CATSPERB: variants seen among roughly 807,000 people sequenced by gnomAD.
CATSPERB encodes the protein cation channel sperm-associated auxiliary subunit beta.
Under a neutral mutation model 128.3 loss-of-function variants are expected in CATSPERB, and 93 were observed. That is an observed-to-expected ratio of 0.72 (90% CI 0.61 to 0.86). The LOEUF is 0.86. Among genes scored for constraint, CATSPERB ranks in the 40% least tolerant of loss-of-function variants. The pLI is 0.00. For missense variants in CATSPERB, 1,153 were observed against 1,329.5 expected, an observed-to-expected ratio of 0.87 and a Z score of 2.06; for synonymous variants, 381 against 448.8, an observed-to-expected ratio of 0.85 and a Z score of 1.91.
At chr14:91,583,703 TTAAA>T (rs1166815148) in intron 26 of CATSPERB, among the ~76,000 whole-genome samples, 1 of 152,232 alleles carries the variant, frequency 6.6e-6, no homozygotes, top group Non-Finnish European at 1.5e-5. Flanking sequence ...AAAAATTCAC[TTAAA>T]TAACCACAGT....
chr14:91,589,758 A>C (rs552745908), intron 23 of CATSPERB, 89 bp from the exon 24 acceptor site: 1 of 1,280,208 alleles, frequency 7.8e-7, no homozygotes, highest in East Asian at 2.5e-5. Flanking sequence ...ATATATTGCC[A>C]ATAGTTTGGC....
chr14:91,601,482 G>A (rs1258498621), intron 22 of CATSPERB, among the ~76,000 whole-genome samples: 1 of 152,082 alleles, frequency 6.6e-6, no homozygotes, highest in Non-Finnish European at 1.5e-5. Context: ...GAATATATAT[G>A]GTAAATTTTG....
chr14:91,719,100 T>C (rs1374686274), intron 5 of CATSPERB, among the ~76,000 whole-genome samples: 3 of 152,224 alleles, frequency 2.0e-5, no homozygotes, highest in Non-Finnish European at 4.4e-5. Context: ...TCATCTTCAG[T>C]AAAATAAATT....
At position 91,723,190 on chromosome 14, in the gene CATSPERB, C is replaced by A. The variant is rs2139780549; in HGVS notation, c.169-1G>T. ...CAGTTTGGAAGAAACACTGGATTTT[C>A]TTTAGGAAAGCAAGAAAAAAAAAAA... On this transcript the variant is annotated splice_acceptor_variant, in intron 3 of 26. Transcript: ENST00000256343. LOFTEE classifies it high-confidence loss of function. 1 of 1,425,124 alleles carries A rather than the reference C, an allele frequency of 7.0e-7. No homozygotes were observed. Among genetic ancestry groups the A allele is most frequent in the Non-Finnish European group, 9.2e-7 (1 of 1,087,466 alleles). 88.3% of individuals were successfully genotyped at this position (1,425,124 alleles called of 1,614,324 possible). A position where few individuals can be genotyped will look rare whatever the true frequency, so the allele number is the denominator to read the frequency against.
chr14:91,682,192 C>T (rs556408489), intron 11 of CATSPERB, among the ~76,000 whole-genome samples: 1 of 152,228 alleles, frequency 6.6e-6, no homozygotes, highest in African/African-American at 2.4e-5. Flanking sequence ...GCAATTCACC[C>T]ATTTCCCTTT....
intron 11 of CATSPERB, among the ~76,000 whole-genome samples, chr14:91,675,511 T>C (rs955927569): frequency 6.6e-6 from 1 of 152,230 alleles, no homozygotes; most frequent in South Asian, 2.1e-4. Context: ...TGCGACATTG[T>C]CTGGGCAGGT....
In CATSPERB at chr14:91,704,596, T is replaced by C. The variant is rs764085308; in HGVS notation, c.572A>G (p.Asn191Ser). The C allele has an allele frequency of 8.1e-6, 13 of 1,613,704 alleles. No individual in the cohort carries two copies. Among genetic ancestry groups the C allele is most frequent in the African/African-American group, 2.7e-5 (2 of 74,910 alleles). The change falls in exon 7 of 27, where the codon AAT becomes AGT. Residue 191 changes from asparagine (N) to serine (S), a missense_variant. Physicochemically the swap from Asn to Ser is conservative, Grantham distance 46. Transcript: ENST00000256343. Reference sequence around the variant, plus strand: ...AATGAAGCCTAGTAATGCCACATCATTGGCACAGGGGCATTTTGTCACTTT... The same window carrying C: ...AATGAAGCCTAGTAATGCCACATCACTGGCACAGGGGCATTTTGTCACTTT... ...DLKVTKCPCA[N>S]DVALLGFIVD... is the part of the protein sequence containing the mutation.
chr14:91,698,066 G>A (rs1895591794), intron 7 of CATSPERB, among the ~76,000 whole-genome samples: 2 of 151,992 alleles, frequency 1.3e-5, no homozygotes, highest in Non-Finnish European at 2.9e-5. Context: ...GCAGTGTTTT[G>A]TACTCCTCCT....
intron 15 of CATSPERB, among the ~76,000 whole-genome samples, chr14:91,645,788 T>C (rs7144081): frequency 0.83 from 118,594 of 143,632 alleles, 49,155 homozygotes; most frequent in East Asian, 0.92. Flanking sequence ...TGGGCAATGG[T>C]GGGCGCCCCT....
chr14:91,621,220 G>A (rs1465066887), intron 19 of CATSPERB, among the ~76,000 whole-genome samples: 1 of 152,050 alleles, frequency 6.6e-6, no homozygotes, highest in Non-Finnish European at 1.5e-5. Flanking sequence ...TGGCCAACAT[G>A]GCAAAACCCT....
At chr14:91,706,352 C>T (rs1261833744) in intron 6 of CATSPERB, among the ~76,000 whole-genome samples, 3 of 152,206 alleles carry the variant, frequency 2.0e-5, no homozygotes, top group Non-Finnish European at 4.4e-5. Flanking sequence ...AGACCATTCA[C>T]ACCCAGGTCA....
chr14:91,728,623 TCA>T (rs1409311206), intron 2 of CATSPERB, among the ~76,000 whole-genome samples: 1 of 152,238 alleles, frequency 6.6e-6, no homozygotes, highest in African/African-American at 2.4e-5. Flanking sequence ...CTAGAAATTC[TCA>T]GATTATAGAG....
intron 11 of CATSPERB, among the ~76,000 whole-genome samples, chr14:91,678,767 G>T (rs1895232723): frequency 1.3e-5 from 2 of 152,086 alleles, no homozygotes; most frequent in African/African-American, 4.8e-5. Context: ...AAGTTATAAG[G>T]CTATAAACCC....
chr14:91,718,119 T>C (rs1049526580), intron 5 of CATSPERB, among the ~76,000 whole-genome samples: 6 of 152,200 alleles, frequency 3.9e-5, no homozygotes, highest in African/African-American at 1.4e-4. Context: ...GTCAAATGAA[T>C]GTCAATATTA....
intron 22 of CATSPERB, among the ~76,000 whole-genome samples, chr14:91,607,085 G>T (rs1352107023): frequency 0.045 from 87 of 1,918 alleles, 6 homozygotes; most frequent in Non-Finnish European, 0.072. Flanking sequence ...GTGTGTGGGC[G>T]GGGGGGGGGG....
intron 17 of CATSPERB, among the ~76,000 whole-genome samples, chr14:91,625,608 T>C (rs1894145515): frequency 6.6e-6 from 1 of 152,140 alleles, no homozygotes; most frequent in Non-Finnish European, 1.5e-5. Context: ...AGAAAGCAAG[T>C]GGAAAAATGT....
chr14:91,588,098 A>T lies in CATSPERB; in HGVS notation c.2957-20T>A. The T allele has an allele frequency of 6.9e-7, 1 of 1,454,212 alleles. No homozygotes were observed. Among genetic ancestry groups the T allele is most frequent in the Non-Finnish European group, 9.6e-7 (1 of 1,044,980 alleles). The allele number at this position is 1,454,212 out of a possible 1,614,324, so 90.1% of individuals were successfully genotyped here. The stretch of plus-strand genomic sequence containing the variant: ...TGTGTTCTAAAAATACATAAAACAT[A>T]TTTTAAGCACACTTATTTTTCTCAT... On this transcript the variant is annotated intron_variant, in intron 24 of 26. Coordinates refer to ENST00000256343, the MANE Select transcript of CATSPERB (RefSeq NM_024764.4).
At chr14:91,671,133 C>T (rs1201659895) in intron 13 of CATSPERB, among the ~76,000 whole-genome samples, 4 of 152,038 alleles carry the variant, frequency 2.6e-5, no homozygotes, top group African/African-American at 9.7e-5. Flanking sequence ...ATGAGGCTGA[C>T]AGAAATTCCT....
chr14:91,606,171 G>T (rs144471822), intron 22 of CATSPERB, among the ~76,000 whole-genome samples: 1,615 of 151,972 alleles, frequency 0.011, 27 homozygotes, highest in African/African-American at 0.037. Context: ...GCAAGACTCC[G>T]TCTCAAACAA....
Sources: gnomAD v4.1 joint callset for allele counts (sites outside exome capture counted in the v4.1 genomes callset) on GRCh38, gnomAD v4.1.1 for gene constraint, MANE v1.5 for transcripts, NCBI Gene and HGNC (gene_info 2026-07-23, HGNC 2026-07-21) for gene names.